CDON: variants seen among roughly 807,000 people sequenced by gnomAD.
The protein encoded by CDON is cell adhesion molecule-related/down-regulated by oncogenes.
Under a neutral mutation model 120.9 loss-of-function variants are expected in CDON, and 73 were observed. The ratio of observed to expected loss-of-function variants is 0.60; its 90% CI spans 0.50 to 0.73. CDON has a LOEUF of 0.73. Among genes scored for constraint, CDON ranks in the 30% least tolerant of loss-of-function variants. The probability of loss-of-function intolerance (pLI) is 0.00; values close to 1 mark genes in which losing one functional copy is unlikely to be tolerated. For synonymous variants in CDON, 566 were observed against 573.5 expected (o/e 0.99, Z 0.19); for missense variants, 1,470 against 1,587.3 (o/e 0.93, Z 1.26).
At chr11:125,967,362 C>T (rs1945833715) in intron 18 of CDON, among the ~76,000 whole-genome samples, 1 of 152,114 alleles carries the variant, frequency 6.6e-6, no homozygotes, top group African/African-American at 2.4e-5. Context: ...ATTAGAACAT[C>T]AGACTTTTTG....
intron 1 of CDON, among the ~76,000 whole-genome samples, chr11:126,029,040 A>C (rs1017192578): frequency 1.3e-5 from 2 of 152,050 alleles, no homozygotes; most frequent in African/African-American, 4.8e-5. Context: ...AGCCAACCCC[A>C]TCCCTCACAA....
In CDON at chr11:126,022,442, C is replaced by T. The variant is rs530830769; in HGVS notation, c.77-922G>A. On this transcript the variant is annotated intron_variant, in intron 2 of 19. Coordinates refer to ENST00000531738, the MANE Select transcript of CDON (RefSeq NM_001378964.1). ...TTTTATTTGGGATTTGAAATGGTTT[C>T]GTCTGTTATTTCTATTACTCCAGGA... 2.1e-4 allele frequency among the ~76,000 whole-genome samples: 32 copies of T among 152,204 alleles called. No homozygotes were observed. In the South Asian group the frequency reaches 6.0e-3, roughly 29 times the overall value.
At chr11:126,013,210 C>T (rs894617551) in intron 7 of CDON, among the ~76,000 whole-genome samples, 1 of 152,092 alleles carries the variant, frequency 6.6e-6, no homozygotes, top group Non-Finnish European at 1.5e-5. Context: ...GACGTATTTT[C>T]TTTTTTACAC....
chr11:126,033,637 T>A (rs566685608), intron 1 of CDON, among the ~76,000 whole-genome samples: 14 of 152,340 alleles, frequency 9.2e-5, no homozygotes, highest in African/African-American at 3.1e-4. Flanking sequence ...TCCAAGGTAC[T>A]ACAGTGTAGG....
Position 126,021,428 on chromosome 11 carries a change from T to C in CDON, c.169A>G (p.Thr57Ala). The change falls in exon 3 of 20, where the codon ACT becomes GCT. Residue 57 changes from threonine to alanine, a missense_variant. Physicochemically the swap from Thr to Ala is moderately conservative, Grantham distance 58 (BLOSUM62 0). Transcript: ENST00000531738. Reference sequence around the variant, plus strand: ...CCGTTATGCAGCCATGAGATACGAGTGGTCACAGGTTGAGCAGAACAATGC... The same window carrying C: ...CCGTTATGCAGCCATGAGATACGAGCGGTCACAGGTTGAGCAGAACAATGC... ...VLHCSAQPVT[T>A]RISWLHNGKT... 1.2e-6 allele frequency: 2 copies of C among 1,613,954 alleles called. No homozygotes were observed. Among genetic ancestry groups the C allele is most frequent in the Non-Finnish European group, 1.7e-6 (2 of 1,179,968 alleles).
chr11:125,995,001 A>T lies in CDON; in HGVS notation c.2414T>A (p.Phe805Tyr). ...ATAAGGACGAGATGCTGAACTCCGA[A>T]AACTCTCACCATAATGGTTGATGGC... is the stretch of plus-strand genomic sequence containing the variant. ...VIAINHYGESFRSSASRPYQV... is the reference protein window; with the variant it reads ...VIAINHYGESYRSSASRPYQV... Residue 805 changes from phenylalanine to tyrosine, a missense_variant, in exon 13 of 20, where the codon TTT (phenylalanine) becomes TAT (tyrosine). Physicochemically the swap from Phe to Tyr is conservative, Grantham distance 22 (BLOSUM62 3). Transcript: ENST00000531738. 1 of 1,614,176 alleles carries T rather than the reference A, an allele frequency of 6.2e-7. No individual in the cohort carries two copies. Among genetic ancestry groups the T allele is most frequent in the Non-Finnish European group, 8.5e-7 (1 of 1,180,028 alleles).
At chr11:125,963,302 T>C (rs552627567) in intron 18 of CDON, among the ~76,000 whole-genome samples, 2 of 152,040 alleles carry the variant, frequency 1.3e-5, no homozygotes, top group East Asian at 1.9e-4. Context: ...TTAGTGACAC[T>C]TTTTTTCCCC....
At chr11:125,968,117 T>C (rs1174216718) in intron 18 of CDON, among the ~76,000 whole-genome samples, 3 of 152,176 alleles carry the variant, frequency 2.0e-5, no homozygotes, top group Non-Finnish European at 4.4e-5. Context: ...AAAATGCATA[T>C]ACACATATTT....
intron 11 of CDON, among the ~76,000 whole-genome samples, chr11:125,999,776 T>C (rs1352244525): frequency 6.6e-6 from 1 of 152,174 alleles, no homozygotes; most frequent in African/African-American, 2.4e-5. Context: ...TTTCTTTTGC[T>C]ATTCCTCCCT....
chr11:125,964,983 A>ATGGAG (rs1945752564), intron 18 of CDON, among the ~76,000 whole-genome samples: 1 of 152,118 alleles, frequency 6.6e-6, no homozygotes, highest in Non-Finnish European at 1.5e-5. Flanking sequence ...CTGGAGTGCA[A>ATGGAG]TGGAGTGATC....
chr11:125,983,204 T>C (rs1226834831), intron 16 of CDON, among the ~76,000 whole-genome samples: 1 of 152,148 alleles, frequency 6.6e-6, no homozygotes, highest in Non-Finnish European at 1.5e-5. Context: ...GATTACCCTA[T>C]TTTATAATAG....
chr11:126,024,917 T>C (rs1290779409), intron 1 of CDON, among the ~76,000 whole-genome samples: 1 of 152,094 alleles, frequency 6.6e-6, no homozygotes, highest in Non-Finnish European at 1.5e-5. Flanking sequence ...ATAAGAAATA[T>C]TTCTAGGCTG....
At chr11:126,041,299 C>G (rs1433873461) in intron 1 of CDON, among the ~76,000 whole-genome samples, 1 of 151,546 alleles carries the variant, frequency 6.6e-6, no homozygotes, top group Non-Finnish European at 1.5e-5. Context: ...ATTTTGTTCA[C>G]AAATAGAAAT....
In CDON at chr11:125,989,680, T is replaced by C; in HGVS notation, c.2730A>G (p.Gly910=). 1 of 1,613,530 alleles carries C rather than the reference T, an allele frequency of 6.2e-7. No homozygotes were observed. Among genetic ancestry groups the C allele is most frequent in the Non-Finnish European group, 8.5e-7 (1 of 1,179,538 alleles). Reference sequence around the variant, plus strand: ...TCACATTGCTAAATTCACTTTCTCCTCCTTCATTGAAGCATTGCATTTTAA... The same window carrying C: ...TCACATTGCTAAATTCACTTTCTCCCCCTTCATTGAAGCATTGCATTTTAA... ...YDIKMQCFNE[G]GESEFSNVMI... is the part of the protein sequence containing the mutation. Residue 910 remains glycine, a synonymous_variant, in exon 15 of 20, where the codon GGA becomes GGG. Coordinates refer to ENST00000531738, the MANE Select transcript of CDON (RefSeq NM_001378964.1).
At chr11:125,963,252 T>C (rs1945697139) in intron 18 of CDON, among the ~76,000 whole-genome samples, 1 of 152,208 alleles carries the variant, frequency 6.6e-6, no homozygotes, top group African/African-American at 2.4e-5. Context: ...TATTATCTGT[T>C]GATGATCAAG....
chr11:126,054,663 A>C (rs959818943), intron 1 of CDON, among the ~76,000 whole-genome samples: 2 of 152,202 alleles, frequency 1.3e-5, no homozygotes, highest in Admixed American at 6.5e-5. Flanking sequence ...AGAAAGGAAG[A>C]ATATTGGGCC....
At position 126,010,606 on chromosome 11, in the gene CDON, A is replaced by G. The variant is rs1229658539; in HGVS notation, c.1287T>C (p.Ser429=). 2 of 1,614,202 alleles carry G rather than the reference A, an allele frequency of 1.2e-6. No individual in the cohort carries two copies. Among genetic ancestry groups the G allele is most frequent in the South Asian group, 2.2e-5 (2 of 91,088 alleles). ...AACGAATGACCGGAACCGGCAGCCC[A>G]CTGGCATTGCAGGACAGAGTAACAA... ...GDFVTLSCNA[S]GLPVPVIRWY... is the part of the protein sequence containing the mutation. Residue 429 remains serine (S), a synonymous_variant, in exon 8 of 20, where the codon AGT becomes AGC. Coordinates refer to ENST00000531738, the MANE Select transcript of CDON (RefSeq NM_001378964.1).
chr11:126,011,130 G>A (rs181660359), intron 7 of CDON, among the ~76,000 whole-genome samples: 1 of 152,154 alleles, frequency 6.6e-6, no homozygotes, highest in East Asian at 1.9e-4. Flanking sequence ...GCAGGAATCT[G>A]ATTATAAAAA....
chr11:125,971,352 C>T (rs527583754), intron 18 of CDON, among the ~76,000 whole-genome samples: 28 of 151,516 alleles, frequency 1.8e-4, no homozygotes, highest in African/African-American at 6.8e-4. Flanking sequence ...CACTGCACTC[C>T]AGCCTGGGCG....
Sources: allele counts gnomAD v4.1 joint callset (sites outside exome capture counted in the v4.1 genomes callset), GRCh38; gene constraint gnomAD v4.1.1; transcripts MANE v1.5; gene names NCBI Gene and HGNC (gene_info 2026-07-23, HGNC 2026-07-21).